CEP120: variants seen among roughly 807,000 people sequenced by gnomAD.
CEP120 encodes the protein centrosomal protein of 120 kDa.
In CEP120, 113 loss-of-function variants were observed where a neutral mutation model predicts 126.5. That is an observed-to-expected ratio of 0.89 (90% CI 0.77 to 1.04). CEP120 has a LOEUF of 1.04. Among genes scored for constraint, CEP120 ranks in the 50% least tolerant of loss-of-function variants. CEP120 has a pLI of 0.00. For synonymous variants in CEP120, 400 were observed against 394.3 expected, an observed-to-expected ratio of 1.01 and a Z score of -0.17; for missense variants, 1,230 against 1,155.7, an observed-to-expected ratio of 1.06 and a Z score of -0.93.
At chr5:123,347,212 T>A (rs1768890425) in intron 19 of CEP120, among the ~76,000 whole-genome samples, 1 of 152,216 alleles carries the variant, frequency 6.6e-6, no homozygotes, top group Admixed American at 6.5e-5. Context: ...TTAATATCAT[T>A]AAATGTTCCT....
rs150242004 is a variant in CEP120, at chr5:123,389,364, A to G, written c.1255+560T>C. ...AAAATCTACTTGCAAAAACTATATT[A>G]TTTAATGTCTATTGAATAGGATATT... On this transcript the variant is annotated intron_variant, in intron 8 of 19. Transcript: ENST00000306467. Among the ~76,000 whole-genome samples the G allele has an allele frequency of 2.6e-3, 392 of 152,344 alleles. 5 individuals are homozygous for G. Among genetic ancestry groups the G allele is most frequent in the African/African-American group, 8.9e-3 (370 of 41,572 alleles).
At chr5:123,350,739 C>G (rs895903592) in intron 18 of CEP120, among the ~76,000 whole-genome samples, 10 of 152,314 alleles carry the variant, frequency 6.6e-5, no homozygotes, top group African/African-American at 2.4e-4. Context: ...AACCTATGCA[C>G]ATATATTCTT....
At chr5:123,396,361 G>T (rs1772791817) in intron 5 of CEP120, among the ~76,000 whole-genome samples, 1 of 151,700 alleles carries the variant, frequency 6.6e-6, no homozygotes, top group Non-Finnish European at 1.5e-5. Flanking sequence ...TTAACTTTGT[G>T]AGGAATCTAT....
At chr5:123,356,250 A>T (rs1769612538) in intron 18 of CEP120, among the ~76,000 whole-genome samples, 1 of 151,976 alleles carries the variant, frequency 6.6e-6, no homozygotes, top group Non-Finnish European at 1.5e-5. Context: ...CTTAGGATTG[A>T]CTTGGCAATG....
At chr5:123,369,073 A>AAT (rs1362451832) in intron 17 of CEP120, among the ~76,000 whole-genome samples, 4 of 151,912 alleles carry the variant, frequency 2.6e-5, no homozygotes, top group Non-Finnish European at 5.9e-5. Flanking sequence ...TAGGCAGTTG[A>AAT]ATATATGGGT....
intron 4 of CEP120, among the ~76,000 whole-genome samples, chr5:123,408,111 A>T (rs1286650469): frequency 6.6e-6 from 1 of 152,200 alleles, no homozygotes; most frequent in Non-Finnish European, 1.5e-5. Context: ...AGAAATTGTG[A>T]CATGCAATGA....
chr5:123,394,541 T>C (rs1022382714), intron 5 of CEP120, among the ~76,000 whole-genome samples: 3 of 152,136 alleles, frequency 2.0e-5, no homozygotes, highest in African/African-American at 7.2e-5. Context: ...AGCCGGTTCC[T>C]AACAGGCCAC....
At chr5:123,368,236 T>A (rs1036019890) in intron 17 of CEP120, among the ~76,000 whole-genome samples, 3 of 151,960 alleles carry the variant, frequency 2.0e-5, no homozygotes, top group Non-Finnish European at 4.4e-5. Context: ...CAGGGATGAA[T>A]AAGATAACAC....
chr5:123,371,352 C>T (rs554853146), intron 17 of CEP120, among the ~76,000 whole-genome samples: 4 of 152,100 alleles, frequency 2.6e-5, no homozygotes, highest in South Asian at 2.1e-4. Context: ...ATGTGGATGG[C>T]GGCAGGCAAA....
intron 4 of CEP120, among the ~76,000 whole-genome samples, chr5:123,409,421 A>G (rs948573524): frequency 1.3e-5 from 2 of 152,192 alleles, no homozygotes; most frequent in African/African-American, 4.8e-5. Context: ...AGCCTTACTA[A>G]TGGAAAAGAA....
chr5:123,382,163 G>A lies in CEP120; in HGVS notation c.2051C>T (p.Ala684Val). 3 of 1,608,316 alleles carry A rather than the reference G, an allele frequency of 1.9e-6. No individual in the cohort carries two copies. Among genetic ancestry groups the A allele is most frequent in the South Asian group, 2.2e-5 (2 of 90,628 alleles). Residue 684 changes from alanine to valine, a missense_variant, in exon 14 of 20, where the codon GCA becomes GTA. Coordinates refer to ENST00000306467, the MANE Select transcript of CEP120 (RefSeq NM_001375405.1). ...QKELAHMQALAEEWKKRDRER... is the reference protein window; with the variant it reads ...QKELAHMQALVEEWKKRDRER... ...TCGGTCCCTTTTCTTCCATTCCTCT[G>A]CAAGAGCCTGCATATGAGCCAGTTC...
At chr5:123,360,755 G>A (rs528480038) in intron 18 of CEP120, among the ~76,000 whole-genome samples, 3 of 151,772 alleles carry the variant, frequency 2.0e-5, no homozygotes, top group South Asian at 2.1e-4. Context: ...GCGTGTGTTA[G>A]GAAGGAGGGA....
At chr5:123,419,323 C>A (rs1373493902) in intron 1 of CEP120, among the ~76,000 whole-genome samples, 1 of 152,162 alleles carries the variant, frequency 6.6e-6, no homozygotes, top group Non-Finnish European at 1.5e-5. Flanking sequence ...AATTTGCCTG[C>A]AGCTTAATTT....
intron 19 of CEP120, 41 bp from the exon 20 acceptor site, chr5:123,346,794 G>T: frequency 1.4e-6 from 2 of 1,387,982 alleles, no homozygotes; most frequent in Admixed American, 2.4e-5. Flanking sequence ...CAACTGTGTT[G>T]GTTTTCTTAA....
rs1774824039 is a variant in CEP120 at position 123,423,034 on chromosome 5, G to A, written c.-36C>T. 1 of 1,594,698 alleles carries A rather than the reference G, an allele frequency of 6.3e-7. No individual in the cohort carries two copies. The highest frequency in any genetic ancestry group is 8.6e-7 in the Non-Finnish European group (1 of 1,162,880). ...AGCGGTCCGGGGGCGAAGGCGGCTG[G>A]GGGGAAGTGAGGTCCAGTTGAGTCG... On this transcript the variant is annotated 5_prime_UTR_variant, in exon 1 of 20. Coordinates refer to ENST00000306467, the MANE Select transcript of CEP120 (RefSeq NM_001375405.1).
Position 123,359,794 on chromosome 5 carries a change from G to A in CEP120, c.2580+4702C>T, listed in dbSNP as rs367579606. Among the ~76,000 whole-genome samples the A allele has an allele frequency of 9.1e-4, 138 of 152,030 alleles. No homozygotes were observed. The Middle Eastern group carries it at 0.01, about 11-fold the overall frequency. ...AAGATTTTTTTCTAAATAATTAGAA[G>A]GTTATAAAATAATTAGGTTATATTT... On this transcript the variant is annotated intron_variant, in intron 18 of 19. Coordinates refer to ENST00000306467, the MANE Select transcript of CEP120 (RefSeq NM_001375405.1).
intron 17 of CEP120, among the ~76,000 whole-genome samples, chr5:123,370,444 A>G (rs949993631): frequency 2.6e-5 from 4 of 151,720 alleles, no homozygotes; most frequent in Non-Finnish European, 4.4e-5. Context: ...TTTCCAAAAC[A>G]TGGAAGTCTA....
chr5:123,348,444 C>T (rs1768981505), intron 19 of CEP120, among the ~76,000 whole-genome samples: 1 of 152,130 alleles, frequency 6.6e-6, no homozygotes, highest in Non-Finnish European at 1.5e-5. Context: ...GTAATATCTT[C>T]CAAGTCTACA....
Position 123,372,706 on chromosome 5 carries a change from T to C in CEP120, c.2425A>G (p.Asn809Asp). The stretch of plus-strand genomic sequence containing the variant: ...TGTAGACGGATTTCTGGTTTGTTGT[T>C]TTGCTGGTCCTTGAACTGTTGGAAC... ...KEFQQFKDQQ[N>D]NKPEIRLQSE... Residue 809 changes from asparagine to aspartate, a missense_variant, in exon 17 of 20, where the codon AAC becomes GAC. By Grantham distance (23) the Asn-to-Asp change is conservative. Coordinates refer to ENST00000306467, the MANE Select transcript of CEP120 (RefSeq NM_001375405.1). 6.2e-7 allele frequency: 1 copy of C among 1,611,758 alleles called. No individual in the cohort carries two copies.
Sources: gnomAD v4.1 joint callset for allele counts (sites outside exome capture counted in the v4.1 genomes callset) on GRCh38, gnomAD v4.1.1 for gene constraint, MANE v1.5 for transcripts, NCBI Gene and HGNC (gene_info 2026-07-23, HGNC 2026-07-21) for gene names.